Variants in AKAP12 observed in about 807,000 individuals in gnomAD.
The protein encoded by AKAP12 is A-kinase anchoring protein 12.
A neutral mutation model predicts 79.9 loss-of-function variants in AKAP12; 32 were observed. The observed-to-expected ratio is 0.40, with a 90% confidence interval of 0.30 to 0.54. The LOEUF (loss-of-function observed/expected upper bound fraction) is 0.54. AKAP12 is among the 20% of genes least tolerant of loss of function. The pLI is 0.48. For missense variants in AKAP12, 2,074 were observed against 2,177.0 expected, an observed-to-expected ratio of 0.95 and a Z score of 0.94; for synonymous variants, 808 against 857.0, an observed-to-expected ratio of 0.94 and a Z score of 1.00.
intron 3 of AKAP12, among the ~76,000 whole-genome samples, chr6:151,309,879 T>C (rs988277965): frequency 1.3e-5 from 2 of 151,632 alleles, no homozygotes; most frequent in Non-Finnish European, 2.9e-5. Flanking sequence ...TCTCCCTAAC[T>C]AAAAAGTGCT....
At chr6:151,294,575 G>A (rs78573420) in intron 2 of AKAP12, among the ~76,000 whole-genome samples, 6,759 of 152,226 alleles carry the variant, frequency 0.044, 446 homozygotes, top group African/African-American at 0.15. Flanking sequence ...TTCACAGAAC[G>A]GAATTCTGGC....
chr6:151,303,307 AATGCCC>A, intron 2 of AKAP12, among the ~76,000 whole-genome samples: 1 of 152,204 alleles, frequency 6.6e-6, no homozygotes, highest in East Asian at 1.9e-4. Flanking sequence ...TTTCATTTAA[AATGCCC>A]ATCTTTCATA....
intron 3 of AKAP12, among the ~76,000 whole-genome samples, chr6:151,345,932 T>TGAGA (rs56202215): frequency 1.1e-3 from 110 of 101,432 alleles, no homozygotes; most frequent in African/African-American, 2.3e-3. Context: ...TGTGTGTGTG[T>TGAGA]GAGAGAGAGA....
chr6:151,350,035 T>C lies in AKAP12; in HGVS notation c.1644T>C (p.Thr548=). The C allele has an allele frequency of 6.2e-7, 1 of 1,613,592 alleles. No homozygotes were observed. Among genetic ancestry groups the C allele is most frequent in the Non-Finnish European group, 8.5e-7 (1 of 1,179,900 alleles). The change falls in exon 4 of 5, where the codon ACT becomes ACC. Residue 548 remains threonine, a synonymous_variant. Coordinates refer to ENST00000402676, the MANE Select transcript of AKAP12 (RefSeq NM_005100.4). This position sits in a 1 kb window ranked among gnomAD's most constrained non-coding sequence, Gnocchi z 4.8. ...GGGDEESGEH[T]QVPADSPDSQ... Reference sequence around the variant, plus strand: ...GAGACGAGGAATCAGGGGAGCACACTCAGGTTCCAGCCGATTCTCCGGACA... The same window carrying C: ...GAGACGAGGAATCAGGGGAGCACACCCAGGTTCCAGCCGATTCTCCGGACA...
rs539570544 is a variant in AKAP12, at chr6:151,250,236, C to T, written c.162+9512C>T. ...TAAATAGGCTGGGCGTTGTGGCTCA[C>T]GCGTGTAATCCCAGCATTTGGGAGG... is the stretch of plus-strand genomic sequence containing the variant. On this transcript the variant is annotated intron_variant, in intron 2 of 4. Coordinates refer to ENST00000402676, the MANE Select transcript of AKAP12 (RefSeq NM_005100.4). Among the ~76,000 whole-genome samples, 17 of 152,084 alleles carry T rather than the reference C, an allele frequency of 1.1e-4. No homozygotes were observed. The East Asian group carries it at 2.5e-3, about 23-fold the overall frequency.
intron 2 of AKAP12, among the ~76,000 whole-genome samples, chr6:151,285,591 T>A (rs1223743950): frequency 6.8e-6 from 1 of 147,084 alleles, no homozygotes; most frequent in Non-Finnish European, 1.5e-5. Context: ...TGTCTTGGGT[T>A]AAAAAAAAAA....
intron 2 of AKAP12, among the ~76,000 whole-genome samples, chr6:151,263,459 C>A (rs1186310074): frequency 6.6e-6 from 1 of 152,222 alleles, no homozygotes; most frequent in Non-Finnish European, 1.5e-5. Flanking sequence ...CTTCCTCTAA[C>A]TCTGTATCCA....
Position 151,357,999 on chromosome 6 carries a change from T to C in AKAP12, c.*2285T>C, listed in dbSNP as rs1778484289. 6.6e-6 allele frequency: 1 copy of C among 152,174 alleles called. No individual in the cohort carries two copies. The highest frequency in any genetic ancestry group is 2.1e-4 in the South Asian group (1 of 4,828). 9.4% of individuals were successfully genotyped at this position (152,174 alleles called of 1,614,324 possible). On this transcript the variant is annotated 3_prime_UTR_variant, in exon 5 of 5. Transcript: ENST00000402676. ...CAGTTGCGATTCCATGAGTAGCTGC[T>C]TTATGACTGCTTTTTGTACTATCTG...
chr6:151,275,187 T>G (rs967881869), intron 2 of AKAP12, among the ~76,000 whole-genome samples: 1 of 152,136 alleles, frequency 6.6e-6, no homozygotes, highest in African/African-American at 2.4e-5. Context: ...CTGGTTGTAC[T>G]CCCCAACCAC....
chr6:151,332,543 T>G (rs1777702895), intron 3 of AKAP12, among the ~76,000 whole-genome samples: 1 of 152,140 alleles, frequency 6.6e-6, no homozygotes, highest in South Asian at 2.1e-4. Flanking sequence ...AAATATTTGG[T>G]TTCTGTAGTA....
At chr6:151,312,614 A>G (rs1777131467) in intron 3 of AKAP12, among the ~76,000 whole-genome samples, 1 of 151,906 alleles carries the variant, frequency 6.6e-6, no homozygotes, top group South Asian at 2.1e-4. Context: ...ACACGGTGAA[A>G]CTCCGTCTCT....
At chr6:151,322,572 G>A (rs1037024565) in intron 3 of AKAP12, among the ~76,000 whole-genome samples, 3 of 152,202 alleles carry the variant, frequency 2.0e-5, no homozygotes, top group African/African-American at 7.2e-5. Context: ...CTCTGCCCAT[G>A]CTCGTCTGTC....
chr6:151,260,756 G>GC (rs1195460990), intron 2 of AKAP12, among the ~76,000 whole-genome samples: 4 of 149,440 alleles, frequency 2.7e-5, no homozygotes, highest in African/African-American at 9.7e-5. Flanking sequence ...ACTTTGGGAG[G>GC]CCCCCAGTGG....
chr6:151,342,577 G>A (rs1360233846), intron 3 of AKAP12, among the ~76,000 whole-genome samples: 10 of 152,146 alleles, frequency 6.6e-5, no homozygotes, highest in African/African-American at 1.9e-4. Flanking sequence ...GCATGGAGGC[G>A]CCCGAAGATT....
At chr6:151,250,472 C>A (rs1362785125) in intron 2 of AKAP12, among the ~76,000 whole-genome samples, 1 of 151,010 alleles carries the variant, frequency 6.6e-6, no homozygotes, top group Non-Finnish European at 1.5e-5. Flanking sequence ...TGCACTCCAG[C>A]CTGGGTGACA....
Position 151,353,434 on chromosome 6 carries a change from T to C in AKAP12, c.5043T>C (p.His1681=). Residue 1681 remains histidine, a synonymous_variant, in exon 4 of 5, where the codon CAT becomes CAC. Transcript: ENST00000402676. ...AGTCTGTGCCAGAAGATGATGGTCA[T>C]GCCTTGTTAGCAGAAAGAATAGAGA... ...GTKSVPEDDG[H]ALLAERIEKS... is the part of the protein sequence containing the mutation. 1 of 1,614,200 alleles carries C rather than the reference T, an allele frequency of 6.2e-7. No individual in the cohort carries two copies. Among genetic ancestry groups the C allele is most frequent in the Middle Eastern group, 1.6e-4 (1 of 6,062 alleles).
chr6:151,280,218 C>A (rs1776376191), intron 2 of AKAP12, among the ~76,000 whole-genome samples: 1 of 151,982 alleles, frequency 6.6e-6, no homozygotes, highest in Non-Finnish European at 1.5e-5. Flanking sequence ...TACTGATTGA[C>A]ATTTAAGTTG....
chr6:151,256,847 C>T (rs1045809106), intron 2 of AKAP12, among the ~76,000 whole-genome samples: 1 of 151,372 alleles, frequency 6.6e-6, no homozygotes, highest in South Asian at 2.1e-4. Flanking sequence ...ACGGGTTTTA[C>T]CATATTGGCC....
At chr6:151,318,266 G>A (rs1464476304) in intron 3 of AKAP12, among the ~76,000 whole-genome samples, 1 of 152,196 alleles carries the variant, frequency 6.6e-6, no homozygotes, top group Non-Finnish European at 1.5e-5. Flanking sequence ...CAGCCTGCAG[G>A]ATTGTGGAAA....
Sources: gnomAD v4.1 joint callset for allele counts (sites outside exome capture counted in the v4.1 genomes callset) on GRCh38, gnomAD v4.1.1 for gene constraint, Gnocchi (gnomAD v3.1) non-coding constraint, MANE v1.5 for transcripts, NCBI Gene and HGNC (gene_info 2026-07-23, HGNC 2026-07-21) for gene names.